The following VPS13D variants were observed in gnomAD, a reference collection of about 807,000 sequenced individuals.
VPS13D encodes intermembrane lipid transfer protein VPS13D.
A neutral mutation model predicts 461.9 loss-of-function variants in VPS13D; 187 were observed. The observed-to-expected ratio is 0.40, with a 90% confidence interval of 0.36 to 0.46. The LOEUF (loss-of-function observed/expected upper bound fraction) is 0.46, where lower values mean the gene tolerates loss of function less well. Ranked by LOEUF, VPS13D falls within the 20% of genes least tolerant of loss-of-function variation. VPS13D has a pLI of 0.60. For synonymous variants in VPS13D, 1,951 were observed against 1,986.3 expected (o/e 0.98, Z 0.47); for missense variants, 4,711 against 5,364.9 (o/e 0.88, Z 3.81).
intron 29 of VPS13D, 68 bp from the exon 30 acceptor site, chr1:12,314,047 C>G (rs1003326465): frequency 7.0e-7 from 1 of 1,434,956 alleles, no homozygotes. Context: ...TTATCTCGAA[C>G]TTATATACTT....
At chr1:12,245,889 C>T (rs1640535247) in intron 5 of VPS13D, among the ~76,000 whole-genome samples, 1 of 152,214 alleles carries the variant, frequency 6.6e-6, no homozygotes, top group South Asian at 2.1e-4. Flanking sequence ...TTTCACTTGA[C>T]ATAATGTTTT....
intron 67 of VPS13D, among the ~76,000 whole-genome samples, chr1:12,477,866 G>A (rs1645654435): frequency 6.6e-6 from 1 of 152,126 alleles, no homozygotes; most frequent in Admixed American, 6.5e-5. Flanking sequence ...TGTGGAACCT[G>A]GAAGGACTAG....
chr1:12,280,819 A>G (rs1260256811), intron 20 of VPS13D, among the ~76,000 whole-genome samples: 1 of 152,102 alleles, frequency 6.6e-6, no homozygotes, highest in Non-Finnish European at 1.5e-5. Context: ...GTTACCATTG[A>G]CTTAACTGTT....
chr1:12,390,463 G>A (rs762875415), intron 60 of VPS13D, among the ~76,000 whole-genome samples: 18 of 152,216 alleles, frequency 1.2e-4, no homozygotes, highest in African/African-American at 2.4e-4. Flanking sequence ...TTCTTTAGCC[G>A]TAAGGTGAGT....
At chr1:12,280,689 A>C (rs1424795365) in intron 20 of VPS13D, among the ~76,000 whole-genome samples, 1 of 151,962 alleles carries the variant, frequency 6.6e-6, no homozygotes, top group Non-Finnish European at 1.5e-5. Context: ...GGGTTTCACC[A>C]CATTGGCCAG....
At chr1:12,394,053 T>C (rs1039056766) in intron 60 of VPS13D, among the ~76,000 whole-genome samples, 4 of 152,152 alleles carry the variant, frequency 2.6e-5, no homozygotes, top group African/African-American at 9.7e-5. Context: ...CAGTGCACAG[T>C]TACCCTGGTA....
At chr1:12,318,012 G>T in intron 30 of VPS13D, 60 bp from the exon 31 acceptor site, 1 of 1,528,194 alleles carries the variant, frequency 6.5e-7, no homozygotes, top group Non-Finnish European at 8.9e-7. Flanking sequence ...ACATTTGCAG[G>T]TTATTGAAAT....
At chr1:12,474,476 G>T in intron 67 of VPS13D, among the ~76,000 whole-genome samples, 1 of 151,442 alleles carries the variant, frequency 6.6e-6, no homozygotes, top group South Asian at 2.1e-4. Context: ...GTAGGTCGGG[G>T]TCCCCTAGGT....
chr1:12,300,188 A>T (rs1344336819), intron 25 of VPS13D, among the ~76,000 whole-genome samples: 1 of 145,276 alleles, frequency 6.9e-6, no homozygotes, highest in Non-Finnish European at 1.5e-5. Context: ...ACAAATGAGA[A>T]TGTGTGGCAT....
At chr1:12,488,692 A>AG (rs1645836297) in intron 67 of VPS13D, among the ~76,000 whole-genome samples, 1 of 130,174 alleles carries the variant, frequency 7.7e-6, no homozygotes, top group Admixed American at 7.4e-5. Context: ...AAAAAAAAAA[A>AG]GTAGTGAAAA....
chr1:12,318,293 C>T lies in VPS13D; in HGVS notation c.7370C>T (p.Pro2457Leu), dbSNP rs774141845. The change falls in exon 31 of 70, where the codon CCT becomes CTT. Residue 2457 changes from proline (P) to leucine (L), a missense_variant. This residue lies in a region of VPS13D where 4,411 missense variants were observed against 4,937.8 expected (regional missense o/e 0.89). Coordinates refer to ENST00000620676, the MANE Select transcript of VPS13D (RefSeq NM_015378.4). ...GTAGTTACCAAGCGGTCTTCCCTTC[C>T]TGTGTCCAATGAAAGGCACCTGGAG... Reference protein sequence around the residue: ...SGVVTKRSSLPVSNERHLEVK... With the variant: ...SGVVTKRSSLLVSNERHLEVK... The T allele has an allele frequency of 9.3e-6, 15 of 1,613,260 alleles. No homozygotes were observed. Among genetic ancestry groups the T allele is most frequent in the East Asian group, 6.7e-5 (3 of 44,854 alleles).
chr1:12,247,519 A>C (rs1245286185), intron 5 of VPS13D, among the ~76,000 whole-genome samples: 5 of 152,012 alleles, frequency 3.3e-5, no homozygotes, highest in African/African-American at 1.2e-4. Flanking sequence ...AACCCAAAAA[A>C]AACAAAAACA....
intron 47 of VPS13D, 130 bp downstream of exon 47, chr1:12,354,351 A>G: frequency 8.5e-7 from 1 of 1,182,766 alleles, no homozygotes; most frequent in Non-Finnish European, 1.2e-6. Flanking sequence ...GCCAGCTCAA[A>G]GGAATCAGTG....
At chr1:12,488,409 T>G (rs114067022) in intron 67 of VPS13D, among the ~76,000 whole-genome samples, 1 of 152,336 alleles carries the variant, frequency 6.6e-6, no homozygotes, top group African/African-American at 2.4e-5. Flanking sequence ...GTCACCCAGC[T>G]AATAAGTGAC....
At chr1:12,296,032 G>A (rs768585948) in intron 24 of VPS13D, among the ~76,000 whole-genome samples, 4 of 152,106 alleles carry the variant, frequency 2.6e-5, no homozygotes, top group Non-Finnish European at 5.9e-5. Context: ...ACATACGATA[G>A]CATTTATTTT....
At chr1:12,244,929 C>T (rs1640499786) in intron 5 of VPS13D, among the ~76,000 whole-genome samples, 1 of 152,170 alleles carries the variant, frequency 6.6e-6, no homozygotes, top group Non-Finnish European at 1.5e-5. Context: ...GGATTTATGG[C>T]CTAAGAATCC....
Position 12,355,922 on chromosome 1 carries a change from C to G in VPS13D, c.9703C>G (p.Leu3235Val). 1 of 1,593,716 alleles carries G rather than the reference C, an allele frequency of 6.3e-7. No homozygotes were observed. Among genetic ancestry groups the G allele is most frequent in the Non-Finnish European group, 8.6e-7 (1 of 1,166,604 alleles). Residue 3235 changes from leucine to valine, a missense_variant, in exon 48 of 70, where the codon CTC (leucine) becomes GTC (valine). Physicochemically the swap from Leu to Val is conservative, Grantham distance 32 (BLOSUM62 1). Coordinates refer to ENST00000620676, the MANE Select transcript of VPS13D (RefSeq NM_015378.4). The part of the protein sequence containing the change: ...ELGVSLENFP[L>V]CKELLIPPGT... ...AGGGGTATCACTGGAGAATTTCCCCCTCTGTAAAGAATTGCTCATTCCACC... is the reference window on the plus strand; with the variant it reads ...AGGGGTATCACTGGAGAATTTCCCCGTCTGTAAAGAATTGCTCATTCCACC...
chr1:12,491,150 G>A (rs1645875774), intron 67 of VPS13D, among the ~76,000 whole-genome samples: 1 of 152,158 alleles, frequency 6.6e-6, no homozygotes, highest in Non-Finnish European at 1.5e-5. Context: ...TAAGATACTT[G>A]ATTAAAACAA....
intron 37 of VPS13D, among the ~76,000 whole-genome samples, chr1:12,330,449 A>AT (rs921450299): frequency 5.0e-4 from 76 of 152,082 alleles, no homozygotes; most frequent in Non-Finnish European, 7.8e-4. Context: ...TTTATAGTTA[A>AT]TTTTTTTTGG....
Sources: allele counts gnomAD v4.1 joint callset (sites outside exome capture counted in the v4.1 genomes callset), GRCh38; gene constraint gnomAD v4.1.1; regional missense constraint gnomAD v4.1.1; transcripts MANE v1.5; gene names NCBI Gene and HGNC (gene_info 2026-07-23, HGNC 2026-07-21).